The following CCDC51 variants were observed in gnomAD, a reference collection of about 807,000 sequenced individuals.
The protein encoded by CCDC51 is mitochondrial potassium channel.
Under a neutral mutation model 24.8 loss-of-function variants are expected in CCDC51, and 25 were observed. That is an observed-to-expected ratio of 1.01 (90% confidence interval 0.73 to 1.41). The LOEUF (loss-of-function observed/expected upper bound fraction) is 1.41, where lower values mean the gene tolerates loss of function less well. Among genes scored for constraint, CCDC51 ranks in the 40% most tolerant of loss-of-function variants. CCDC51 has a pLI of 0.00. For missense variants in CCDC51, 466 were observed against 519.1 expected, an observed-to-expected ratio of 0.90 and a Z score of 0.99; for synonymous variants, 190 against 204.3, an observed-to-expected ratio of 0.93 and a Z score of 0.60.
rs370734359 is a variant in CCDC51 at position 48,435,180 on chromosome 3, G to T, written c.-8-44C>A. On this transcript the variant is annotated intron_variant, in intron 1 of 3. Transcript: ENST00000395694. This position sits in a 1 kb window ranked among gnomAD's most constrained non-coding sequence, Gnocchi z 4.2. ...ACAGGTCAGCTCACAGCTGAGAAAG[G>T]CTGGACATAAGTCAGTTTTGAGGCC... The T allele has an allele frequency of 1.3e-6, 2 of 1,485,960 alleles. No individual in the cohort carries two copies. The highest frequency in any genetic ancestry group is 1.8e-6 in the Non-Finnish European group (2 of 1,111,736). The allele number at this position is 1,485,960 out of a possible 1,614,324, so 92.0% of individuals were successfully genotyped here.
Position 48,440,101 on chromosome 3 carries a change from G to A in CCDC51, c.-122C>T, listed in dbSNP as rs977739138. On this transcript the variant is annotated 5_prime_UTR_variant, in exon 1 of 4. It adds an upstream start codon to the 5' untranslated region. Coordinates refer to ENST00000395694, the MANE Select transcript of CCDC51 (RefSeq NM_001256964.2). The stretch of plus-strand genomic sequence containing the variant: ...ACAACCCTAGCTCCTCGTACCTGGC[G>A]TGGCCCGACCAATCGTCTGCCACTC... 1.4e-5 allele frequency: 12 copies of A among 864,674 alleles called. No individual in the cohort carries two copies. Among genetic ancestry groups the A allele is most frequent in the Non-Finnish European group, 1.7e-5 (10 of 580,474 alleles). The allele number at this position is 864,674 out of a possible 1,614,324, so 53.6% of individuals were successfully genotyped here.
At position 48,434,873 on chromosome 3, in the gene CCDC51, A is replaced by G. The variant is rs2039301047; in HGVS notation, c.256T>C (p.Tyr86His). ...TCGTTGAGTCCAACAAACTCTTCAT[A>G]TCTGTCCCACCAAGTCTTGGCTGTG... Reference protein sequence around the residue: ...TSTAKTWWDRYEEFVGLNEVR... With the variant: ...TSTAKTWWDRHEEFVGLNEVR... The change falls in exon 2 of 4, where the codon TAT becomes CAT. Residue 86 changes from tyrosine (Y) to histidine (H), a missense_variant. Transcript: ENST00000395694. 1 of 1,613,950 alleles carries G rather than the reference A, an allele frequency of 6.2e-7. No homozygotes were observed. The highest frequency in any genetic ancestry group is 1.7e-5 in the Admixed American group (1 of 59,992).
chr3:48,443,141 C>T (rs1422829439), upstream of CCDC51, among the ~76,000 whole-genome samples: 3 of 148,516 alleles, frequency 2.0e-5, no homozygotes, highest in East Asian at 4.0e-4. Context: ...TCGGAAGGCT[C>T]ATGCATGAAG....
intron 1 of CCDC51, among the ~76,000 whole-genome samples, chr3:48,436,312 C>T (rs1163912684): frequency 6.6e-6 from 1 of 152,196 alleles, no homozygotes; most frequent in Non-Finnish European, 1.5e-5. Context: ...TGATATGAGA[C>T]AGAGGCTCCC....
chr3:48,432,743 C>G lies in CCDC51; in HGVS notation c.901G>C (p.Ala301Pro). The change falls in exon 4 of 4, where the codon GCT becomes CCT. Residue 301 changes from alanine (A) to proline (P), a missense_variant. By Grantham distance (27) the Ala-to-Pro change is conservative. Transcript: ENST00000395694. The part of the protein sequence containing the change: ...TRDRDVDVLS[A>P]ALKEQLSHSR... The stretch of plus-strand genomic sequence containing the variant: ...TGACTAAGCTGCTCTTTCAAGGCAG[C>G]TGAAAGGACATCTACATCTCTGTCT... 6.2e-7 allele frequency: 1 copy of G among 1,614,186 alleles called. No individual in the cohort carries two copies. The highest frequency in any genetic ancestry group is 8.5e-7 in the Non-Finnish European group (1 of 1,180,044).
chr3:48,439,752 A>C (rs1560094795), intron 1 of CCDC51, among the ~76,000 whole-genome samples: 1 of 152,178 alleles, frequency 6.6e-6, no homozygotes, highest in Non-Finnish European at 1.5e-5. Context: ...CACCAAAATA[A>C]ATTTTTTTGA....
At chr3:48,434,574 T>G (rs1255054323) in intron 2 of CCDC51, among the ~76,000 whole-genome samples, 1 of 152,204 alleles carries the variant, frequency 6.6e-6, no homozygotes. Context: ...AAGGAAGTAT[T>G]TGCTGGCCTC....
In CCDC51 at chr3:48,433,423, G is replaced by A. The variant is rs1449796809; in HGVS notation, c.478-257C>T. Among the ~76,000 whole-genome samples, 2 of 152,196 alleles carry A rather than the reference G, an allele frequency of 1.3e-5. No individual in the cohort carries two copies. Among genetic ancestry groups the A allele is most frequent in the Non-Finnish European group, 2.9e-5 (2 of 68,032 alleles). Reference sequence around the variant, plus strand: ...AGGTGCACTTATGTCTACACAAAGGGAAGTGTCCAGCACTCCCTAGGCCAG... The same window carrying A: ...AGGTGCACTTATGTCTACACAAAGGAAAGTGTCCAGCACTCCCTAGGCCAG... On this transcript the variant is annotated intron_variant, in intron 3 of 3. Transcript: ENST00000395694. This position sits in a 1 kb window ranked among gnomAD's most constrained non-coding sequence, Gnocchi z 4.4.
Position 48,434,972 on chromosome 3 carries a change from C to T in CCDC51, c.157G>A (p.Ala53Thr). 1 of 1,614,234 alleles carries T rather than the reference C, an allele frequency of 6.2e-7. No individual in the cohort carries two copies. Among genetic ancestry groups the T allele is most frequent in the Non-Finnish European group, 8.5e-7 (1 of 1,180,046 alleles). Residue 53 changes from alanine (A) to threonine (T), a missense_variant, in exon 2 of 4, where the codon GCC becomes ACC. Coordinates refer to ENST00000395694, the MANE Select transcript of CCDC51 (RefSeq NM_001256964.2). Reference protein sequence around the residue: ...QPGEKRPEEVALGLHHRLPAL... With the variant: ...QPGEKRPEEVTLGLHHRLPAL... The stretch of plus-strand genomic sequence containing the variant: ...GGGAGGCGGTGGTGCAGCCCCAGGG[C>T]CACCTCCTCAGGTCTTTTCTCTCCG...
rs2039199838 is a variant in CCDC51 at position 48,432,497 on chromosome 3, T to C, written c.1147A>G (p.Asn383Asp). 1 of 1,614,120 alleles carries C rather than the reference T, an allele frequency of 6.2e-7. No homozygotes were observed. Among genetic ancestry groups the C allele is most frequent in the Admixed American group, 1.7e-5 (1 of 60,012 alleles). ...AGGGTGCTATAGATGGTGTTCCTGT[T>C]GACTTGGGCTTCTAGTCTCTGCTCC... ...DTEQRLEAQV[N>D]RNTIYSTLVT... is the part of the protein sequence containing the mutation. The change falls in exon 4 of 4, where the codon AAC becomes GAC. Residue 383 changes from asparagine to aspartate, a missense_variant. By Grantham distance (23) the Asn-to-Asp change is conservative. Transcript: ENST00000395694.
chr3:48,434,707 G>A, intron 2 of CCDC51, 110 bp downstream of exon 2: 1 of 1,016,578 alleles, frequency 9.8e-7, no homozygotes, highest in Non-Finnish European at 1.4e-6. Flanking sequence ...TTCCACGTGA[G>A]AAATGAGGCT....
intron 2 of CCDC51, among the ~76,000 whole-genome samples, chr3:48,434,516 G>A (rs1026039684): frequency 6.6e-5 from 10 of 152,140 alleles, no homozygotes; most frequent in South Asian, 2.1e-4. Flanking sequence ...TAACAGTACC[G>A]CAGCAAGCCC....
rs2039242816 is a variant in CCDC51, at chr3:48,433,185, G to A, written c.478-19C>T. 1 of 1,605,556 alleles carries A rather than the reference G, an allele frequency of 6.2e-7. No individual in the cohort carries two copies. Among genetic ancestry groups the A allele is most frequent in the African/African-American group, 1.3e-5 (1 of 74,790 alleles). ...TCTCCTCCTGCAGAAGCAAAGCCAT[G>A]TTATTGGATTACATGGGCACAAGGT... is the stretch of plus-strand genomic sequence containing the variant. On this transcript the variant is annotated intron_variant, in intron 3 of 3. Coordinates refer to ENST00000395694, the MANE Select transcript of CCDC51 (RefSeq NM_001256964.2). The surrounding 1 kb of genome is among the most constrained non-coding windows in gnomAD (Gnocchi z 4.4).
Position 48,435,113 on chromosome 3 carries a change from G to C in CCDC51, c.16C>G (p.Pro6Ala), listed in dbSNP as rs567141942. ...ACGATGTGCTGCATGGCAAACCCAG[G>C]GCTGCGCCCCATCATCCTGAGATCT... MMGRS[P>A]GFAMQHIVGV... The change falls in exon 2 of 4, where the codon CCT becomes GCT. Residue 6 changes from proline (P) to alanine (A), a missense_variant. Coordinates refer to ENST00000395694, the MANE Select transcript of CCDC51 (RefSeq NM_001256964.2). The surrounding 1 kb of genome is among the most constrained non-coding windows in gnomAD (Gnocchi z 4.2). 71 of 1,585,014 alleles carry C rather than the reference G, an allele frequency of 4.5e-5. 3 individuals carry two copies. In the South Asian group the frequency reaches 8.2e-4, roughly 18 times the overall value.
chr3:48,440,434 G>A (rs974347480), upstream of CCDC51: 1 of 1,612,534 alleles, frequency 6.2e-7, no homozygotes, highest in African/African-American at 1.3e-5. Context: ...AACAGCCCAA[G>A]AAGCAGGCCA....
chr3:48,436,165 G>A (rs2039345793), intron 1 of CCDC51, among the ~76,000 whole-genome samples: 1 of 152,126 alleles, frequency 6.6e-6, no homozygotes, highest in Non-Finnish European at 1.5e-5. Flanking sequence ...AAGTCCCTAA[G>A]CACTGATCCT....
At chr3:48,442,291 C>T (rs1247829637), upstream of CCDC51, among the ~76,000 whole-genome samples, 3 of 151,250 alleles carry the variant, frequency 2.0e-5, no homozygotes, top group African/African-American at 7.3e-5. Flanking sequence ...GTATCTTGCA[C>T]CCTCTTTTAA....
At chr3:48,440,762 T>C, upstream of CCDC51, 4 of 789,564 alleles carry the variant, frequency 5.1e-6, no homozygotes, top group African/African-American at 5.2e-5. Flanking sequence ...CAGCGAATGG[T>C]CTCTAGCCAG....
chr3:48,437,373 C>A lies in CCDC51; in HGVS notation c.-8-2237G>T, dbSNP rs1425297069. Among the ~76,000 whole-genome samples, 8 of 152,122 alleles carry A rather than the reference C, an allele frequency of 5.3e-5. No individual in the cohort carries two copies. The highest frequency in any genetic ancestry group is 5.2e-4 in the Admixed American group (8 of 15,272). Reference sequence around the variant, plus strand: ...CTCAGCCTCTCCACCATCCCACCAGCCCCCAACCCTGGGCCCTGTTTCTCA... The same window carrying A: ...CTCAGCCTCTCCACCATCCCACCAGACCCCAACCCTGGGCCCTGTTTCTCA... On this transcript the variant is annotated intron_variant, in intron 1 of 3. Coordinates refer to ENST00000395694, the MANE Select transcript of CCDC51 (RefSeq NM_001256964.2). This position sits in a 1 kb window ranked among gnomAD's most constrained non-coding sequence, Gnocchi z 4.2.
Sources: gnomAD v4.1 joint callset for allele counts (sites outside exome capture counted in the v4.1 genomes callset) on GRCh38, gnomAD v4.1.1 for gene constraint, Gnocchi (gnomAD v3.1) non-coding constraint, MANE v1.5 for transcripts, NCBI Gene and HGNC (gene_info 2026-07-23, HGNC 2026-07-21) for gene names.